UGGT2: variants seen among roughly 807,000 people sequenced by gnomAD.
UGGT2 encodes UDP-glucose glycoprotein glucosyltransferase 2, also known as UDP-glucose:glycoprotein glucosyltransferase 2.
A neutral mutation model predicts 192.1 loss-of-function variants in UGGT2; 180 were observed. The observed-to-expected ratio is 0.94, with a 90% CI of 0.83 to 1.06. The LOEUF (loss-of-function observed/expected upper bound fraction) is 1.06. Among genes scored for constraint, UGGT2 ranks in the 50% least tolerant of loss-of-function variants. The pLI is 0.00. For synonymous variants in UGGT2, 580 were observed against 591.0 expected (o/e 0.98, Z 0.27); for missense variants, 1,849 against 1,795.7 (o/e 1.03, Z -0.54).
intron 38 of UGGT2, among the ~76,000 whole-genome samples, chr13:95,824,489 T>C (rs1012055488): frequency 6.6e-6 from 1 of 152,156 alleles, no homozygotes; most frequent in Admixed American, 6.5e-5. Context: ...TTCATTTCTT[T>C]TGATTCCTTT....
intron 5 of UGGT2, among the ~76,000 whole-genome samples, chr13:96,007,280 A>G (rs1488236548): frequency 1.3e-5 from 2 of 152,182 alleles, no homozygotes; most frequent in Non-Finnish European, 2.9e-5. Flanking sequence ...CCAACAAACT[A>G]GGTATAGAGG....
chr13:95,956,465 CA>C (rs1182781191), intron 12 of UGGT2, among the ~76,000 whole-genome samples: 2 of 152,076 alleles, frequency 1.3e-5, no homozygotes, highest in Non-Finnish European at 2.9e-5. Flanking sequence ...TACAACTCAA[CA>C]AAAAACAAAG....
chr13:95,894,195 AT>A (rs1328743890), intron 24 of UGGT2, among the ~76,000 whole-genome samples: 3 of 152,144 alleles, frequency 2.0e-5, no homozygotes, highest in Non-Finnish European at 4.4e-5. Context: ...GCCACCCTAC[AT>A]TTGATTAATC....
At chr13:95,804,282 A>C (rs989645056) in intron 38 of UGGT2, among the ~76,000 whole-genome samples, 2 of 152,202 alleles carry the variant, frequency 1.3e-5, no homozygotes, top group Admixed American at 6.5e-5. Flanking sequence ...ACTGAAAATA[A>C]CAAAAAATTG....
intron 26 of UGGT2, chr13:95,887,244 A>C (rs752920028): frequency 1.4e-5 from 7 of 508,194 alleles, no homozygotes; most frequent in Admixed American, 4.0e-5. Context: ...AAAAGTCTTA[A>C]AAAGCTATAC....
chr13:95,872,941 G>T (rs1027480338), intron 29 of UGGT2, among the ~76,000 whole-genome samples: 2 of 152,172 alleles, frequency 1.3e-5, no homozygotes, highest in Non-Finnish European at 2.9e-5. Flanking sequence ...TTCCCATTTA[G>T]TCCTTAGCAA....
intron 21 of UGGT2, among the ~76,000 whole-genome samples, chr13:95,902,595 T>G (rs1031990455): frequency 3.3e-5 from 5 of 152,030 alleles, no homozygotes; most frequent in Admixed American, 2.6e-4. Context: ...ATTCTTCACT[T>G]AAGTACATAT....
chr13:95,819,504 A>C (rs1426122368), intron 38 of UGGT2, among the ~76,000 whole-genome samples: 1 of 70,706 alleles, frequency 1.4e-5, no homozygotes, highest in Non-Finnish European at 2.4e-5. Context: ...ATATACATGT[A>C]TACATATGTA....
intron 12 of UGGT2, among the ~76,000 whole-genome samples, chr13:95,953,361 A>T (rs1261719078): frequency 6.6e-6 from 1 of 152,232 alleles, no homozygotes; most frequent in Non-Finnish European, 1.5e-5. Context: ...GAGCTGAAGG[A>T]CAAATGATGC....
At position 95,917,317 on chromosome 13, in the gene UGGT2, A is replaced by C. The variant is rs185468762; in HGVS notation, c.2295+8363T>G. 1.7e-3 allele frequency among the ~76,000 whole-genome samples: 260 copies of C among 152,336 alleles called. 2 individuals are homozygous for C. The highest frequency in any genetic ancestry group is 6.1e-3 in the African/African-American group (252 of 41,588). ...CAAAAAAAAGAATTTCCAGAATTTC[A>C]TATCTGGCCAAACTAAGCTTCATAA... On this transcript the variant is annotated intron_variant, in intron 20 of 38. Coordinates refer to ENST00000376747, the MANE Select transcript of UGGT2 (RefSeq NM_020121.4).
At chr13:95,904,579 AATG>A (rs1445343148) in intron 20 of UGGT2, among the ~76,000 whole-genome samples, 1 of 151,742 alleles carries the variant, frequency 6.6e-6, no homozygotes, top group African/African-American at 2.4e-5. Context: ...GTTTACTGAG[AATG>A]ATGTTTCCCA....
chr13:95,986,698 G>C (rs2051301392), intron 8 of UGGT2, among the ~76,000 whole-genome samples: 1 of 151,982 alleles, frequency 6.6e-6, no homozygotes, highest in African/African-American at 2.4e-5. Context: ...TATATGAAAA[G>C]AAATGCTCTC....
chr13:96,036,977 T>C (rs2053023307), intron 1 of UGGT2, among the ~76,000 whole-genome samples: 2 of 152,210 alleles, frequency 1.3e-5, no homozygotes, highest in South Asian at 2.1e-4. Context: ...AATTGTTCAC[T>C]TGCCTTACAA....
At chr13:95,922,783 A>G (rs370462120) in intron 20 of UGGT2, among the ~76,000 whole-genome samples, 7 of 152,294 alleles carry the variant, frequency 4.6e-5, no homozygotes, top group African/African-American at 1.7e-4. Context: ...AGATCACACC[A>G]TTGTACTCCA....
intron 10 of UGGT2, among the ~76,000 whole-genome samples, chr13:95,973,886 A>T (rs774065158): frequency 2.0e-5 from 3 of 152,234 alleles, no homozygotes; most frequent in Non-Finnish European, 4.4e-5. Context: ...TGTAATATAC[A>T]TCTATGTCTT....
At chr13:95,949,801 C>T (rs1460615372) in intron 12 of UGGT2, among the ~76,000 whole-genome samples, 4 of 152,050 alleles carry the variant, frequency 2.6e-5, no homozygotes, top group South Asian at 2.1e-4. Context: ...GCCCTCTCCA[C>T]CTCCCCTCTC....
intron 4 of UGGT2, among the ~76,000 whole-genome samples, chr13:96,015,209 T>A (rs1467222744): frequency 2.0e-5 from 3 of 146,814 alleles, no homozygotes; most frequent in Non-Finnish European, 4.5e-5. Context: ...ATCCAGGAGG[T>A]GGAGCTTGCA....
chr13:95,926,047 A>G (rs909111675), intron 19 of UGGT2, among the ~76,000 whole-genome samples: 1 of 152,118 alleles, frequency 6.6e-6, no homozygotes, highest in African/African-American at 2.4e-5. Flanking sequence ...AACTCATTAT[A>G]TAAGCTTATA....
intron 20 of UGGT2, among the ~76,000 whole-genome samples, chr13:95,925,394 GAGTTACTT>G (rs2048985642): frequency 1.3e-5 from 2 of 152,168 alleles, no homozygotes; most frequent in Non-Finnish European, 2.9e-5. Context: ...GTAGGGTCTA[GAGTTACTT>G]ACTTTGTTTA....
Sources: gnomAD v4.1 joint callset for allele counts (sites outside exome capture counted in the v4.1 genomes callset) on GRCh38, gnomAD v4.1.1 for gene constraint, MANE v1.5 for transcripts, NCBI Gene and HGNC (gene_info 2026-07-23, HGNC 2026-07-21) for gene names.